Variants in PPP1R14C observed in about 807,000 individuals in gnomAD.
PPP1R14C encodes protein phosphatase 1 regulatory inhibitor subunit 14C.
A neutral mutation model predicts 20.4 loss-of-function variants in PPP1R14C; 16 were observed. The observed-to-expected ratio is 0.78, with a 90% CI of 0.53 to 1.19. The LOEUF (loss-of-function observed/expected upper bound fraction) is 1.19. Among genes scored for constraint, PPP1R14C ranks in the 50% most tolerant of loss-of-function variants. The probability of loss-of-function intolerance (pLI) is 0.00; values close to 1 mark genes in which losing one functional copy is unlikely to be tolerated. For missense variants in PPP1R14C, 211 were observed against 220.1 expected (o/e 0.96, Z 0.26); for synonymous variants, 91 against 91.0 (o/e 1.00, Z 0.00).
intron 1 of PPP1R14C, among the ~76,000 whole-genome samples, chr6:150,195,501 C>T (rs1777793248): frequency 6.6e-6 from 1 of 152,194 alleles, no homozygotes; most frequent in Non-Finnish European, 1.5e-5. Context: ...GCACCCACCA[C>T]CATGCCTGGC....
At position 150,211,270 on chromosome 6, in the gene PPP1R14C, G is replaced by A. The variant is rs148530511; in HGVS notation, c.307-3474G>A. Among the ~76,000 whole-genome samples the A allele has an allele frequency of 3.9e-3, 599 of 152,292 alleles. 3 individuals are homozygous for A. The highest frequency in any genetic ancestry group is 0.014 in the African/African-American group (562 of 41,566). ...TGACACACAGTGCCTTGCACTCTGC[G>A]GACTCTGGGTTCTCAACAAATGTAC... On this transcript the variant is annotated intron_variant, in intron 1 of 3. Transcript: ENST00000361131.
At chr6:150,159,664 T>C (rs1194431388) in intron 1 of PPP1R14C, among the ~76,000 whole-genome samples, 1 of 151,976 alleles carries the variant, frequency 6.6e-6, no homozygotes, top group Non-Finnish European at 1.5e-5. Context: ...TAGATGGTTT[T>C]AGATTTACAG....
intron 1 of PPP1R14C, among the ~76,000 whole-genome samples, chr6:150,192,574 A>T (rs1777758391): frequency 6.6e-6 from 1 of 152,174 alleles, no homozygotes; most frequent in South Asian, 2.1e-4. Context: ...ACTGTGCTTT[A>T]AAGGAAATTC....
intron 1 of PPP1R14C, among the ~76,000 whole-genome samples, chr6:150,174,832 G>T (rs1408374925): frequency 6.6e-6 from 1 of 151,798 alleles, no homozygotes; most frequent in Admixed American, 6.6e-5. Flanking sequence ...TGGTCATGGT[G>T]TCGCACGCCT....
chr6:150,242,271 T>C (rs116640179), intron 3 of PPP1R14C, among the ~76,000 whole-genome samples: 4,437 of 134,796 alleles, frequency 0.033, 201 homozygotes, highest in African/African-American at 0.12. Flanking sequence ...TCCCAACTCA[T>C]GCTATGAAGC....
intron 2 of PPP1R14C, among the ~76,000 whole-genome samples, chr6:150,216,250 C>T (rs538469473): frequency 1.3e-5 from 2 of 152,316 alleles, no homozygotes; most frequent in South Asian, 2.1e-4. Context: ...AATCCCAGTG[C>T]TTTGGGAGGC....
chr6:150,228,222 T>C (rs1778251980), intron 3 of PPP1R14C, among the ~76,000 whole-genome samples: 1 of 152,254 alleles, frequency 6.6e-6, no homozygotes, highest in Admixed American at 6.5e-5. Context: ...CTGGACTTCA[T>C]TCAGCACTCT....
chr6:150,235,338 C>T lies in PPP1R14C; in HGVS notation c.424-13408C>T, dbSNP rs150990533. ...TTCCTGGCCTCAAGTGATCCTTCTGCCTCAGCCTCCCAAAATGCTGGGATT... is the reference window on the plus strand; with the variant it reads ...TTCCTGGCCTCAAGTGATCCTTCTGTCTCAGCCTCCCAAAATGCTGGGATT... On this transcript the variant is annotated intron_variant, in intron 3 of 3. Transcript: ENST00000361131. Among the ~76,000 whole-genome samples, 816 of 152,302 alleles carry T rather than the reference C, an allele frequency of 5.4e-3. 8 individuals are homozygous for T. Among genetic ancestry groups the T allele is most frequent in the South Asian group, 0.011 (54 of 4,822 alleles).
At chr6:150,172,577 G>A (rs367725628) in intron 1 of PPP1R14C, among the ~76,000 whole-genome samples, 8 of 152,280 alleles carry the variant, frequency 5.3e-5, no homozygotes, top group African/African-American at 1.9e-4. Flanking sequence ...TAGCTATTGA[G>A]AGCTGATGTT....
At chr6:150,196,516 C>G in intron 1 of PPP1R14C, among the ~76,000 whole-genome samples, 1 of 151,924 alleles carries the variant, frequency 6.6e-6, no homozygotes, top group East Asian at 1.9e-4. Context: ...AAATTGTTCC[C>G]TGCTCAGGAG....
At chr6:150,216,447 A>G (rs1778093973) in intron 2 of PPP1R14C, among the ~76,000 whole-genome samples, 1 of 152,144 alleles carries the variant, frequency 6.6e-6, no homozygotes, top group Non-Finnish European at 1.5e-5. Flanking sequence ...ATGAGCTGAG[A>G]TCGCACCACT....
chr6:150,224,552 G>C (rs372211889), intron 3 of PPP1R14C, among the ~76,000 whole-genome samples: 2 of 152,190 alleles, frequency 1.3e-5, no homozygotes, highest in African/African-American at 4.8e-5. Context: ...GCTGTGTGCA[G>C]TTTACTAATG....
chr6:150,229,328 A>C (rs564438912), intron 3 of PPP1R14C, among the ~76,000 whole-genome samples: 5 of 152,340 alleles, frequency 3.3e-5, no homozygotes, highest in Admixed American at 1.3e-4. Context: ...TTAAAGTCGG[A>C]GATTATAATT....
intron 1 of PPP1R14C, among the ~76,000 whole-genome samples, chr6:150,183,802 G>A (rs533369717): frequency 1.9e-4 from 29 of 151,952 alleles, no homozygotes; most frequent in African/African-American, 6.0e-4. Flanking sequence ...CACCGTGCCC[G>A]GCCCAAACTG....
chr6:150,162,756 G>C (rs1206188609), intron 1 of PPP1R14C, among the ~76,000 whole-genome samples: 2 of 152,186 alleles, frequency 1.3e-5, no homozygotes, highest in African/African-American at 4.8e-5. Flanking sequence ...ATACAACAGC[G>C]AAAGAGTCCC....
At chr6:150,213,226 A>C (rs532545476) in intron 1 of PPP1R14C, among the ~76,000 whole-genome samples, 33 of 152,268 alleles carry the variant, frequency 2.2e-4, no homozygotes, top group African/African-American at 7.7e-4. Flanking sequence ...ATCACTAGAG[A>C]GGTTGTTTCT....
intron 1 of PPP1R14C, among the ~76,000 whole-genome samples, chr6:150,209,897 GTGTGTA>G (rs1186107434): frequency 6.6e-6 from 1 of 151,176 alleles, no homozygotes; most frequent in African/African-American, 2.4e-5. Flanking sequence ...GTATTCATCT[GTGTGTA>G]TGTGTATATG....
At chr6:150,236,934 A>T (rs1778368534) in intron 3 of PPP1R14C, among the ~76,000 whole-genome samples, 1 of 152,086 alleles carries the variant, frequency 6.6e-6, no homozygotes, top group East Asian at 1.9e-4. Flanking sequence ...CTCAGCGGTT[A>T]GAGTCTCTGT....
intron 1 of PPP1R14C, among the ~76,000 whole-genome samples, chr6:150,172,008 A>G (rs925537283): frequency 6.6e-6 from 1 of 151,868 alleles, no homozygotes; most frequent in Non-Finnish European, 1.5e-5. Flanking sequence ...GGGGTTTGCC[A>G]CATTGGCCAG....
Sources: gnomAD v4.1 joint callset for allele counts (sites outside exome capture counted in the v4.1 genomes callset) on GRCh38, gnomAD v4.1.1 for gene constraint, MANE v1.5 for transcripts, NCBI Gene and HGNC (gene_info 2026-07-23, HGNC 2026-07-21) for gene names.